Variants in ERICH3 observed in about 807,000 individuals in gnomAD.
The protein encoded by ERICH3 is glutamate-rich protein 3.
In ERICH3, 126 loss-of-function variants were observed where a neutral mutation model predicts 131.1. The observed-to-expected ratio is 0.96, with a 90% CI of 0.83 to 1.11. ERICH3 has a LOEUF of 1.11. Ranked by LOEUF, ERICH3 falls within the 50% of genes most tolerant of loss-of-function variation. The pLI is 0.00. For synonymous variants in ERICH3, 695 were observed against 644.6 expected (o/e 1.08, Z -1.18); for missense variants, 2,050 against 1,810.7 (o/e 1.13, Z -2.40).
intron 8 of ERICH3, 91 bp from the exon 9 acceptor site, chr1:74,612,900 T>G: frequency 8.7e-7 from 1 of 1,145,724 alleles, no homozygotes; most frequent in South Asian, 1.8e-5. Context: ...AAACACAATA[T>G]TATGATCTAG....
chr1:74,581,818 C>T (rs1647187381), intron 12 of ERICH3, among the ~76,000 whole-genome samples: 2 of 152,138 alleles, frequency 1.3e-5, no homozygotes, highest in Admixed American at 1.3e-4. Flanking sequence ...TTCTTGAATG[C>T]TCTTAAATCC....
At chr1:74,599,019 CAG>C (rs2100576135) in intron 11 of ERICH3, among the ~76,000 whole-genome samples, 1 of 151,592 alleles carries the variant, frequency 6.6e-6, no homozygotes, top group African/African-American at 2.4e-5. Flanking sequence ...AATATGTGCA[CAG>C]TTAAACTGAA....
chr1:74,573,993 CTTT>C (rs59687548), intron 13 of ERICH3, among the ~76,000 whole-genome samples: 14 of 135,830 alleles, frequency 1.0e-4, no homozygotes, highest in South Asian at 4.8e-4. Flanking sequence ...CTTTTTCTCT[CTTT>C]TTTTTTTTTT....
intron 1 of ERICH3, among the ~76,000 whole-genome samples, chr1:74,660,930 T>G (rs1646635949): frequency 6.6e-6 from 1 of 151,858 alleles, no homozygotes; most frequent in African/African-American, 2.4e-5. Flanking sequence ...TAGTACTATT[T>G]TAATGTACGA....
At chr1:74,613,419 G>T (rs1648798736) in intron 8 of ERICH3, among the ~76,000 whole-genome samples, 1 of 152,052 alleles carries the variant, frequency 6.6e-6, no homozygotes, top group Admixed American at 6.6e-5. Context: ...AGTGAGTTGG[G>T]GAGTTAGAGT....
At position 74,643,504 on chromosome 1, in the gene ERICH3, A is replaced by T. The variant is rs115671116; in HGVS notation, c.244-406T>A. On this transcript the variant is annotated intron_variant, in intron 3 of 14. Transcript: ENST00000326665. ...ATTTCTGGCACATCCATATGATGGA[A>T]TAAAATATAATTGATCATTTAAATA... Among the ~76,000 whole-genome samples the T allele has an allele frequency of 4.7e-3, 719 of 152,288 alleles. 3 individuals carry two copies. Among genetic ancestry groups the T allele is most frequent in the African/African-American group, 0.016 (677 of 41,572 alleles).
chr1:74,659,524 G>A (rs1046774446), intron 1 of ERICH3, among the ~76,000 whole-genome samples: 1 of 152,214 alleles, frequency 6.6e-6, no homozygotes, highest in Non-Finnish European at 1.5e-5. Context: ...AAGTGCTTAT[G>A]TGCCTGGCCT....
Position 74,572,337 on chromosome 1 carries a change from C to A in ERICH3, c.3373G>T (p.Asp1125Tyr). 1 of 1,613,778 alleles carries A rather than the reference C, an allele frequency of 6.2e-7. No homozygotes were observed. Among genetic ancestry groups the A allele is most frequent in the Non-Finnish European group, 8.5e-7 (1 of 1,180,002 alleles). Residue 1125 changes from aspartate to tyrosine, a missense_variant, in exon 14 of 15, where the codon GAT (aspartate) becomes TAT (tyrosine). Physicochemically the swap from Asp to Tyr is radical, Grantham distance 160 (BLOSUM62 -3). Coordinates refer to ENST00000326665, the MANE Select transcript of ERICH3 (RefSeq NM_001002912.5). Reference sequence around the variant, plus strand: ...TCCACAGGTGCTTCGTTCTCAGCATCAGATCCCATTTCATTTGGGGGAGCT... The same window carrying A: ...TCCACAGGTGCTTCGTTCTCAGCATAAGATCCCATTTCATTTGGGGGAGCT... ...TKAPPNEMGS[D>Y]AENEAPVEAS...
At chr1:74,576,543 C>A (rs763667246) in intron 13 of ERICH3, among the ~76,000 whole-genome samples, 10 of 152,096 alleles carry the variant, frequency 6.6e-5, no homozygotes, top group Non-Finnish European at 1.2e-4. Context: ...TTGCTATGAA[C>A]AATAAAGTCC....
intron 1 of ERICH3, among the ~76,000 whole-genome samples, chr1:74,658,909 A>G (rs1289083501): frequency 6.6e-6 from 1 of 152,202 alleles, no homozygotes; most frequent in African/African-American, 2.4e-5. Context: ...TCTGTTAAGC[A>G]TTAGTATGAT....
intron 1 of ERICH3, among the ~76,000 whole-genome samples, chr1:74,659,283 A>G (rs1050455377): frequency 1.3e-5 from 2 of 151,960 alleles, no homozygotes; most frequent in African/African-American, 4.8e-5. Context: ...TCCTGCTAGA[A>G]GCACCTCCTG....
intron 11 of ERICH3, among the ~76,000 whole-genome samples, chr1:74,597,158 C>G (rs1469092469): frequency 6.6e-6 from 1 of 152,084 alleles, no homozygotes; most frequent in Non-Finnish European, 1.5e-5. Context: ...AGGAATCCAT[C>G]ATGTCATTAT....
chr1:74,664,764 T>C (rs1238647492), intron 1 of ERICH3, among the ~76,000 whole-genome samples: 2 of 152,176 alleles, frequency 1.3e-5, no homozygotes, highest in African/African-American at 2.4e-5. Context: ...GCTTAAAATG[T>C]TGAATTTTCT....
At chr1:74,661,047 C>A (rs1455412704) in intron 1 of ERICH3, among the ~76,000 whole-genome samples, 1 of 151,808 alleles carries the variant, frequency 6.6e-6, no homozygotes, top group African/African-American at 2.4e-5. Context: ...AAGCCAGACA[C>A]CAAAGAGAAC....
At chr1:74,583,643 G>C (rs1288779306) in intron 12 of ERICH3, among the ~76,000 whole-genome samples, 1 of 152,032 alleles carries the variant, frequency 6.6e-6, no homozygotes, top group Non-Finnish European at 1.5e-5. Context: ...GCAGTAGAAA[G>C]GTAAGGAGAA....
At chr1:74,642,454 G>A (rs75688227) in intron 4 of ERICH3, among the ~76,000 whole-genome samples, 487 of 152,174 alleles carry the variant, frequency 3.2e-3, no homozygotes, top group African/African-American at 0.011. Context: ...GAATTTAACT[G>A]AATATCTCAT....
chr1:74,663,485 G>T (rs1834190), intron 1 of ERICH3, among the ~76,000 whole-genome samples: 2,056 of 152,140 alleles, frequency 0.014, 24 homozygotes, highest in Middle Eastern at 0.027. Flanking sequence ...TCTCATAGAA[G>T]AAGTTAGAAA....
At chr1:74,600,162 G>C (rs888764782) in intron 10 of ERICH3, among the ~76,000 whole-genome samples, 3 of 151,716 alleles carry the variant, frequency 2.0e-5, no homozygotes, top group Non-Finnish European at 4.4e-5. Context: ...TGACAAGGCT[G>C]AAACCTAATA....
intron 11 of ERICH3, among the ~76,000 whole-genome samples, chr1:74,599,115 A>G (rs976360949): frequency 6.6e-6 from 1 of 151,980 alleles, no homozygotes; most frequent in Non-Finnish European, 1.5e-5. Context: ...AGTTTATGTA[A>G]TGGAAAGATA....
Sources: allele counts gnomAD v4.1 joint callset (sites outside exome capture counted in the v4.1 genomes callset), GRCh38; gene constraint gnomAD v4.1.1; transcripts MANE v1.5; gene names NCBI Gene and HGNC (gene_info 2026-07-23, HGNC 2026-07-21).